HERC4: variants seen among roughly 807,000 people sequenced by gnomAD.
HERC4 encodes the protein probable E3 ubiquitin-protein ligase HERC4.
A neutral mutation model predicts 124.3 loss-of-function variants in HERC4; 28 were observed. The observed-to-expected ratio is 0.23, with a 90% confidence interval of 0.17 to 0.31. The LOEUF (loss-of-function observed/expected upper bound fraction) is 0.31. Among genes scored for constraint, HERC4 ranks in the 10% least tolerant of loss-of-function variants. HERC4 has a pLI of 1.00. For missense variants in HERC4, 713 were observed against 1,229.3 expected (o/e 0.58, Z 6.28); for synonymous variants, 407 against 421.5 (o/e 0.97, Z 0.42).
chr10:67,978,419 T>C (rs1180802318), intron 15 of HERC4, among the ~76,000 whole-genome samples: 1 of 152,192 alleles, frequency 6.6e-6, no homozygotes, highest in African/African-American at 2.4e-5. Flanking sequence ...GTAAGGACTA[T>C]TTTGTGGTTT....
intron 8 of HERC4, among the ~76,000 whole-genome samples, chr10:68,016,496 GCA>G (rs2038276593): frequency 6.6e-6 from 1 of 152,090 alleles, no homozygotes; most frequent in Non-Finnish European, 1.5e-5. Context: ...GGGACTACAG[GCA>G]TGTGCCACCA....
intron 8 of HERC4, among the ~76,000 whole-genome samples, chr10:68,021,669 G>A (rs1414038362): frequency 2.6e-5 from 4 of 152,126 alleles, no homozygotes; most frequent in Non-Finnish European, 5.9e-5. Flanking sequence ...TTAGTCGGGT[G>A]TGGTGGCACA....
chr10:68,068,918 T>A (rs1025767049), intron 3 of HERC4: 2 of 369,978 alleles, frequency 5.4e-6, no homozygotes, highest in Non-Finnish European at 7.5e-6. Flanking sequence ...CTTAGCTACA[T>A]ACAACTGTTG....
At chr10:68,007,203 T>C (rs1375367853) in intron 9 of HERC4, among the ~76,000 whole-genome samples, 1 of 152,108 alleles carries the variant, frequency 6.6e-6, no homozygotes, top group Non-Finnish European at 1.5e-5. Flanking sequence ...TATCATGTCT[T>C]CATGCTAATT....
intron 15 of HERC4, among the ~76,000 whole-genome samples, chr10:67,984,716 G>T (rs2036159858): frequency 6.6e-6 from 1 of 152,152 alleles, no homozygotes; most frequent in African/African-American, 2.4e-5. Flanking sequence ...CTGAATAGTT[G>T]GTATTACAGA....
At chr10:67,953,391 T>A (rs1430240035) in intron 19 of HERC4, among the ~76,000 whole-genome samples, 1 of 152,198 alleles carries the variant, frequency 6.6e-6, no homozygotes, top group Non-Finnish European at 1.5e-5. Flanking sequence ...TAAAACATTT[T>A]AGTAATCATA....
chr10:68,074,697 C>G (rs1305223420), intron 1 of HERC4: 3 of 152,528 alleles, frequency 2.0e-5, no homozygotes, highest in African/African-American at 7.2e-5. Flanking sequence ...CCGCTCGCAA[C>G]AGCTTCAGAG....
chr10:68,026,442 T>TA (rs1023124105), intron 7 of HERC4, among the ~76,000 whole-genome samples: 8 of 151,880 alleles, frequency 5.3e-5, no homozygotes, highest in East Asian at 1.9e-4. Context: ...CAGATGTTTT[T>TA]AAAAAAAACT....
chr10:67,974,443 C>T (rs2035461110), intron 15 of HERC4, among the ~76,000 whole-genome samples: 1 of 152,160 alleles, frequency 6.6e-6, no homozygotes, highest in African/African-American at 2.4e-5. Context: ...TGTGAATAAT[C>T]ACATATACAC....
intron 19 of HERC4, among the ~76,000 whole-genome samples, chr10:67,950,629 A>C (rs2033722563): frequency 6.6e-6 from 1 of 152,152 alleles, no homozygotes; most frequent in Non-Finnish European, 1.5e-5. Flanking sequence ...AAGGTTTCTC[A>C]TTGATGATGA....
At chr10:67,983,877 C>T (rs1016813298) in intron 15 of HERC4, among the ~76,000 whole-genome samples, 5 of 150,968 alleles carry the variant, frequency 3.3e-5, no homozygotes, top group African/African-American at 4.9e-5. Flanking sequence ...GCAGCAGAAT[C>T]GCTTGAACCC....
intron 15 of HERC4, among the ~76,000 whole-genome samples, chr10:67,981,608 A>C (rs1278827890): frequency 2.6e-5 from 4 of 152,212 alleles, no homozygotes; most frequent in Non-Finnish European, 5.9e-5. Flanking sequence ...CACATGGATC[A>C]CTCTCAAAGA....
chr10:68,021,666 G>C (rs931930772), intron 8 of HERC4, among the ~76,000 whole-genome samples: 6 of 152,256 alleles, frequency 3.9e-5, no homozygotes, highest in African/African-American at 1.4e-4. Context: ...AAATTAGTCG[G>C]GTGTGGTGGC....
At chr10:67,962,371 A>C (rs2034581214) in intron 16 of HERC4, among the ~76,000 whole-genome samples, 1 of 152,160 alleles carries the variant, frequency 6.6e-6, no homozygotes, top group South Asian at 2.1e-4. Context: ...TTACTACTAC[A>C]TGTAAGTAGA....
rs559119481 is a variant in HERC4, at chr10:68,005,527, G to A, written c.1069+8499C>T. On this transcript the variant is annotated intron_variant, in intron 9 of 24. Transcript: ENST00000373700. ...GTCTTTTGACTGGGCAGTTTAGTCCGTTTACTAAATGTTATTATTAATAAG... is the reference window on the plus strand; with the variant it reads ...GTCTTTTGACTGGGCAGTTTAGTCCATTTACTAAATGTTATTATTAATAAG... Among the ~76,000 whole-genome samples, 18 of 152,046 alleles carry A rather than the reference G, an allele frequency of 1.2e-4. No homozygotes were observed. The South Asian group carries it at 2.7e-3, about 23-fold the overall frequency.
intron 8 of HERC4, among the ~76,000 whole-genome samples, chr10:68,014,696 A>G (rs943430501): frequency 5.3e-5 from 8 of 152,210 alleles, no homozygotes; most frequent in African/African-American, 1.4e-4. Context: ...AGTAATCTCT[A>G]TATGTACGCA....
intron 15 of HERC4, among the ~76,000 whole-genome samples, chr10:67,971,925 T>C (rs1445909122): frequency 6.6e-6 from 1 of 152,092 alleles, no homozygotes; most frequent in Non-Finnish European, 1.5e-5. Flanking sequence ...TCAATTGATT[T>C]TCTCTAGGCC....
chr10:68,050,063 C>T (rs1258392063), intron 3 of HERC4, among the ~76,000 whole-genome samples: 2 of 151,930 alleles, frequency 1.3e-5, no homozygotes, highest in Non-Finnish European at 2.9e-5. Context: ...ATTAGCCATG[C>T]ACACCTATAA....
intron 9 of HERC4, among the ~76,000 whole-genome samples, chr10:68,003,162 C>CTT (rs61552989): frequency 1.4e-5 from 2 of 145,998 alleles, no homozygotes; most frequent in Admixed American, 6.9e-5. Context: ...TATTTTTATA[C>CTT]TTTTTTTTTT....
Sources: allele counts gnomAD v4.1 joint callset (sites outside exome capture counted in the v4.1 genomes callset), GRCh38; gene constraint gnomAD v4.1.1; transcripts MANE v1.5; gene names NCBI Gene and HGNC (gene_info 2026-07-23, HGNC 2026-07-21).